ITPA: variants seen among roughly 807,000 people sequenced by gnomAD.
ITPA encodes the protein inosine triphosphate pyrophosphatase.
Under a neutral mutation model 29.6 loss-of-function variants are expected in ITPA, and 29 were observed. The observed-to-expected ratio is 0.98, with a 90% CI of 0.73 to 1.34. The LOEUF is 1.34. ITPA is among the 40% of genes most tolerant of loss of function. The pLI, the probability that ITPA is intolerant of heterozygous loss-of-function variation, is 0.00. For missense variants in ITPA, 241 were observed against 251.5 expected, an observed-to-expected ratio of 0.96 and a Z score of 0.28; for synonymous variants, 103 against 99.3, an observed-to-expected ratio of 1.04 and a Z score of -0.22.
downstream of ITPA, chr20:3,223,952 G>A (rs370809670): frequency 2.0e-4 from 39 of 190,318 alleles, no homozygotes; most frequent in African/African-American, 8.2e-4. Context: ...GGGCAGCACC[G>A]TGTGGAAGGC....
rs897569949 is a variant in ITPA, at chr20:3,213,990, G to A, written c.195G>A (p.Gln65=). The A allele has an allele frequency of 1.8e-5, 29 of 1,614,180 alleles. No homozygotes were observed. The highest frequency in any genetic ancestry group is 2.5e-5 in the Non-Finnish European group (29 of 1,180,008). ...QKCQEAVRQV[Q]GPVLVEDTCL... is the part of the protein sequence containing the mutation. ...TGTATGTCTTTGTGCTGCAGGTACA[G>A]GGGCCCGTGCTGGTTGAGGACACTT... Residue 65 remains glutamine (Q), a synonymous_variant, in exon 4 of 8, where the codon CAG becomes CAA. Coordinates refer to ENST00000380113, the MANE Select transcript of ITPA (RefSeq NM_033453.4).
At chr20:3,219,590 C>T (rs1168317481) in intron 6 of ITPA, among the ~76,000 whole-genome samples, 1 of 151,400 alleles carries the variant, frequency 6.6e-6, no homozygotes, top group Non-Finnish European at 1.5e-5. Context: ...ACTAAAAATA[C>T]AAAAAATATC....
At chr20:3,214,653 A>C (rs6076493) in intron 4 of ITPA, among the ~76,000 whole-genome samples, 150,013 of 152,184 alleles carry the variant, frequency 0.99, 73,940 homozygotes, top group East Asian at 1. Context: ...GATCTCCGCT[A>C]ACTGCAAGCT....
At chr20:3,207,673 G>T (rs185420191), upstream of ITPA, among the ~76,000 whole-genome samples, 1 of 137,434 alleles carries the variant, frequency 7.3e-6, no homozygotes, top group African/African-American at 2.5e-5. Context: ...AAGCCTGGGC[G>T]ACAAGAGCAA....
At chr20:3,206,387 C>CA (rs143721062), upstream of ITPA, among the ~76,000 whole-genome samples, 8,985 of 31,624 alleles carry the variant, frequency 0.28, 1,329 homozygotes, top group East Asian at 0.36. Flanking sequence ...GACTCAGTCT[C>CA]AAAAAAAAAA....
intron 6 of ITPA, among the ~76,000 whole-genome samples, chr20:3,219,330 C>T (rs2067400219): frequency 6.7e-6 from 1 of 150,110 alleles, no homozygotes; most frequent in African/African-American, 2.5e-5. Context: ...AATTCTTGGC[C>T]AGGTTTGGTG....
At chr20:3,222,377 A>G (rs759410253) in intron 7 of ITPA, among the ~76,000 whole-genome samples, 1 of 151,990 alleles carries the variant, frequency 6.6e-6, no homozygotes, top group Non-Finnish European at 1.5e-5. Context: ...TGCTCAGCTA[A>G]TTTTTGTTAT....
At chr20:3,209,453 C>A, upstream of ITPA, 1 of 1,168,040 alleles carries the variant, frequency 8.6e-7, no homozygotes, top group South Asian at 1.3e-5. The surrounding 1 kb of genome is among the most constrained non-coding windows in gnomAD (Gnocchi z 4.6). Context: ...GGACCCCTGG[C>A]CGGAAACTGA....
downstream of ITPA, among the ~76,000 whole-genome samples, chr20:3,225,848 G>A (rs2067548717): frequency 6.6e-6 from 1 of 152,168 alleles, no homozygotes; most frequent in African/African-American, 2.4e-5. Context: ...GGCCAACATG[G>A]TGAAACCCCG....
At chr20:3,204,516 T>C (rs1025721803), upstream of ITPA, 4 of 1,546,952 alleles carry the variant, frequency 2.6e-6, no homozygotes, top group African/African-American at 4.1e-5. Context: ...CCACCAACCC[T>C]GGTGCAGCGG....
intron 7 of ITPA, among the ~76,000 whole-genome samples, chr20:3,222,468 C>G (rs6084309): frequency 0.11 from 16,030 of 152,256 alleles, 1,062 homozygotes; most frequent in Non-Finnish European, 0.15. Flanking sequence ...CTCGGCCTCC[C>G]AAAGTGCTGG....
At chr20:3,223,277 G>A in intron 7 of ITPA, 89 bp from the exon 8 acceptor site, 1 of 950,116 alleles carries the variant, frequency 1.1e-6, no homozygotes, top group Non-Finnish European at 1.7e-6. Context: ...GTGAGCTTTG[G>A]TCTCCAGGGA....
At chr20:3,204,949 C>A (rs2067060553), upstream of ITPA, among the ~76,000 whole-genome samples, 1 of 151,938 alleles carries the variant, frequency 6.6e-6, no homozygotes. Context: ...CTCCCAGGTT[C>A]AAGCGATTCT....
chr20:3,208,905 T>G (rs1185622500), upstream of ITPA: 1 of 155,090 alleles, frequency 6.4e-6, no homozygotes. Context: ...TACTTTCTGT[T>G]GTGTTTGGAA....
At chr20:3,214,508 A>AG (rs2067248394) in intron 4 of ITPA, among the ~76,000 whole-genome samples, 1 of 151,200 alleles carries the variant, frequency 6.6e-6, no homozygotes, top group Non-Finnish European at 1.5e-5. Flanking sequence ...CTGGGACTAC[A>AG]GGTGTGCGTC....
chr20:3,213,186 A>G lies in ITPA; in HGVS notation c.84A>G (p.Gly28=). 1 of 1,614,100 alleles carries G rather than the reference A, an allele frequency of 6.2e-7. No individual in the cohort carries two copies. The part of the protein sequence containing the change: ...KKLEEVVQIL[G]DKFPCTLVAQ... ...TGGAACAGGTCGTTCAGATTCTAGGAGATAAGTTTCCATGCACTTTGGTGG... is the reference window on the plus strand; with the variant it reads ...TGGAACAGGTCGTTCAGATTCTAGGGGATAAGTTTCCATGCACTTTGGTGG... Residue 28 remains glycine, a synonymous_variant, in exon 2 of 8, where the codon GGA becomes GGG. Coordinates refer to ENST00000380113, the MANE Select transcript of ITPA (RefSeq NM_033453.4).
upstream of ITPA, among the ~76,000 whole-genome samples, chr20:3,205,146 G>A (rs1469155812): frequency 2.0e-5 from 3 of 152,124 alleles, no homozygotes; most frequent in Admixed American, 6.6e-5. Context: ...CACCGCGCCC[G>A]GACTATATAT....
At chr20:3,217,992 A>G (rs765154837) in intron 5 of ITPA, among the ~76,000 whole-genome samples, 5 of 149,408 alleles carry the variant, frequency 3.3e-5, no homozygotes, top group Non-Finnish European at 7.4e-5. Flanking sequence ...ATCTCGGCTC[A>G]CTGCAAGCTC....
intron 5 of ITPA, among the ~76,000 whole-genome samples, chr20:3,217,956 C>T (rs879767255): frequency 7.2e-6 from 1 of 139,632 alleles, no homozygotes; most frequent in Non-Finnish European, 1.5e-5. Context: ...CTCGCTCTGT[C>T]GCCCAGGCTG....
Sources: gnomAD v4.1 joint callset for allele counts (sites outside exome capture counted in the v4.1 genomes callset) on GRCh38, gnomAD v4.1.1 for gene constraint, Gnocchi (gnomAD v3.1) non-coding constraint, MANE v1.5 for transcripts, NCBI Gene and HGNC (gene_info 2026-07-23, HGNC 2026-07-21) for gene names.